The following UBE2L6 variants were observed in gnomAD, a reference collection of about 807,000 sequenced individuals.
UBE2L6 encodes the protein ubiquitin/ISG15-conjugating enzyme E2 L6.
In UBE2L6, 11 loss-of-function variants were observed where a neutral mutation model predicts 13.6. The observed-to-expected ratio is 0.81, with a 90% CI of 0.51 to 1.34. The LOEUF (loss-of-function observed/expected upper bound fraction) is 1.34. Ranked by LOEUF, UBE2L6 falls within the 40% of genes most tolerant of loss-of-function variation. The pLI, the probability that UBE2L6 is intolerant of heterozygous loss-of-function variation, is 0.00. For missense variants in UBE2L6, 197 were observed against 199.5 expected (o/e 0.99, Z 0.07); for synonymous variants, 74 against 83.2 (o/e 0.89, Z 0.60).
At chr11:57,552,597 C>G in intron 3 of UBE2L6, 88 bp from the exon 4 acceptor site, 1 of 1,516,388 alleles carries the variant, frequency 6.6e-7, no homozygotes, top group South Asian at 1.2e-5. Context: ...ACTCCACACT[C>G]ACTCCTTGGG....
intron 3 of UBE2L6, among the ~76,000 whole-genome samples, chr11:57,552,777 T>C (rs547323947): frequency 6.6e-6 from 1 of 152,320 alleles, no homozygotes; most frequent in East Asian, 1.9e-4. Flanking sequence ...TAAGTGAGGT[T>C]TCTGGGTCTT....
chr11:57,562,938 C>T lies in UBE2L6; in HGVS notation c.28-2506G>A, dbSNP rs558022819. 3.9e-5 allele frequency among the ~76,000 whole-genome samples: 6 copies of T among 152,240 alleles called. No individual in the cohort carries two copies. The South Asian group carries it at 1.2e-3, about 32-fold the overall frequency. ...TACCTAACTCCTTAGTGCCCAGACA[C>T]CAACAAACATCCACAAGCTTCAAGA... On this transcript the variant is annotated intron_variant, in intron 1 of 3. Transcript: ENST00000287156.
At chr11:57,563,305 C>T (rs982040864) in intron 1 of UBE2L6, among the ~76,000 whole-genome samples, 1 of 151,422 alleles carries the variant, frequency 6.6e-6, no homozygotes, top group African/African-American at 2.4e-5. Flanking sequence ...GCCTGGCCAA[C>T]GTGGTGAGGC....
intron 1 of UBE2L6, among the ~76,000 whole-genome samples, chr11:57,565,113 C>T (rs1424922692): frequency 6.6e-6 from 1 of 151,150 alleles, no homozygotes; most frequent in Non-Finnish European, 1.5e-5. Context: ...GTGATGGTGC[C>T]TGCCTGTAAT....
intron 1 of UBE2L6, among the ~76,000 whole-genome samples, chr11:57,560,773 A>C (rs887384241): frequency 2.0e-5 from 3 of 151,616 alleles, no homozygotes; most frequent in Non-Finnish European, 4.4e-5. Flanking sequence ...GACGCCCGCC[A>C]CCACGCCCCG....
chr11:57,556,592 CAAAAA>C (rs368936864), intron 2 of UBE2L6, among the ~76,000 whole-genome samples: 2 of 73,718 alleles, frequency 2.7e-5, no homozygotes, highest in East Asian at 4.0e-4. Context: ...AACTCCGTCT[CAAAAA>C]AAAAAAAAAA....
chr11:57,565,607 C>G (rs979454055), intron 1 of UBE2L6, among the ~76,000 whole-genome samples: 4 of 151,854 alleles, frequency 2.6e-5, no homozygotes, highest in Non-Finnish European at 4.4e-5. Context: ...TCAAGCAGTC[C>G]GCGAACCTCA....
At chr11:57,556,821 C>G (rs369010771) in intron 2 of UBE2L6, among the ~76,000 whole-genome samples, 1 of 151,818 alleles carries the variant, frequency 6.6e-6, no homozygotes, top group Non-Finnish European at 1.5e-5. Context: ...GGCGGTGGCT[C>G]GCGCCTGTAA....
chr11:57,567,534 T>C, intron 1 of UBE2L6, 51 bp downstream of exon 1: 4 of 1,595,592 alleles, frequency 2.5e-6, no homozygotes, highest in Non-Finnish European at 3.4e-6. Context: ...GAGGAGGGAA[T>C]GCGGGAGGCG....
At chr11:57,565,264 A>AAGGG (rs1945079472) in intron 1 of UBE2L6, among the ~76,000 whole-genome samples, 1 of 151,994 alleles carries the variant, frequency 6.6e-6, no homozygotes, top group African/African-American at 2.4e-5. Flanking sequence ...GAAGGAAAGA[A>AAGGG]AGGGAGAGAG....
At position 57,567,670 on chromosome 11, in the gene UBE2L6, C is replaced by T; in HGVS notation, c.-59G>A. 2 of 1,556,884 alleles carry T rather than the reference C, an allele frequency of 1.3e-6. No individual in the cohort carries two copies. The highest frequency in any genetic ancestry group is 1.7e-6 in the Non-Finnish European group (2 of 1,147,776). ...AGCAGGACCGAGCTCCGACCCGCGACACAGCGCGCCCCGCCCCGCCCCGGG... is the reference window on the plus strand; with the variant it reads ...AGCAGGACCGAGCTCCGACCCGCGATACAGCGCGCCCCGCCCCGCCCCGGG... On this transcript the variant is annotated 5_prime_UTR_variant, in exon 1 of 4. Coordinates refer to ENST00000287156, the MANE Select transcript of UBE2L6 (RefSeq NM_004223.5).
chr11:57,567,414 T>C, intron 1 of UBE2L6, 171 bp downstream of exon 1: 1 of 977,172 alleles, frequency 1.0e-6, no homozygotes, highest in Non-Finnish European at 1.5e-6. Context: ...TGGCCACTCT[T>C]GCAGGCCAGT....
rs547880833 is a variant in UBE2L6, at chr11:57,552,321, T to G, written c.*37A>C. On this transcript the variant is annotated 3_prime_UTR_variant, in exon 4 of 4. Coordinates refer to ENST00000287156, the MANE Select transcript of UBE2L6 (RefSeq NM_004223.5). ...GTCCATGAGGTGTGTCCGTCCGCTA[T>G]GCCGAGGATCCAGTGCACAGAGGGT... is the stretch of plus-strand genomic sequence containing the variant. The G allele has an allele frequency of 2.5e-6, 4 of 1,611,732 alleles. No homozygotes were observed. Among genetic ancestry groups the G allele is most frequent in the Non-Finnish European group, 3.4e-6 (4 of 1,178,300 alleles).
chr11:57,552,941 T>C (rs1944970432), intron 3 of UBE2L6, among the ~76,000 whole-genome samples: 1 of 152,184 alleles, frequency 6.6e-6, no homozygotes, highest in African/African-American at 2.4e-5. Context: ...GGGAACCTAG[T>C]GAAGGCAGCA....
At chr11:57,557,877 A>C (rs969424024) in intron 2 of UBE2L6, among the ~76,000 whole-genome samples, 1 of 152,150 alleles carries the variant, frequency 6.6e-6, no homozygotes, top group African/African-American at 2.4e-5. Flanking sequence ...GAGGTAGCAG[A>C]GTCATGGAGC....
chr11:57,561,009 T>C (rs1945041825), intron 1 of UBE2L6, among the ~76,000 whole-genome samples: 1 of 152,142 alleles, frequency 6.6e-6, no homozygotes, highest in Non-Finnish European at 1.5e-5. Flanking sequence ...AATAGATCAC[T>C]TCTCCCAGAT....
chr11:57,556,592 C>CAAAAA (rs368936864), intron 2 of UBE2L6, among the ~76,000 whole-genome samples: 15 of 73,686 alleles, frequency 2.0e-4, no homozygotes, highest in East Asian at 4.1e-4. Context: ...AACTCCGTCT[C>CAAAAA]AAAAAAAAAA....
chr11:57,563,435 C>T (rs1446440120), intron 1 of UBE2L6, among the ~76,000 whole-genome samples: 1 of 143,890 alleles, frequency 6.9e-6, no homozygotes, highest in East Asian at 2.0e-4. Flanking sequence ...GAGCCGAGAG[C>T]ATGCCATTGC....
chr11:57,560,711 C>T (rs901398130), intron 1 of UBE2L6, among the ~76,000 whole-genome samples: 2 of 151,716 alleles, frequency 1.3e-5, no homozygotes, highest in Admixed American at 6.6e-5. Flanking sequence ...AGCTCCGCCT[C>T]CTGGGTTCAC....
Sources: allele counts gnomAD v4.1 joint callset (sites outside exome capture counted in the v4.1 genomes callset), GRCh38; gene constraint gnomAD v4.1.1; transcripts MANE v1.5; gene names NCBI Gene and HGNC (gene_info 2026-07-23, HGNC 2026-07-21).